Variants in TUFT1 observed in about 807,000 individuals in gnomAD.
TUFT1 encodes the protein tuftelin.
A neutral mutation model predicts 57.8 loss-of-function variants in TUFT1; 43 were observed. The observed-to-expected ratio is 0.74, with a 90% CI of 0.58 to 0.96. TUFT1 has a LOEUF of 0.96. Among genes scored for constraint, TUFT1 ranks in the 40% least tolerant of loss-of-function variants. The pLI is 0.00. For synonymous variants in TUFT1, 166 were observed against 176.7 expected, an observed-to-expected ratio of 0.94 and a Z score of 0.48; for missense variants, 459 against 489.0, an observed-to-expected ratio of 0.94 and a Z score of 0.58.
chr1:151,566,040 C>A, intron 5 of TUFT1, 123 bp from the exon 6 acceptor site: 1 of 165,822 alleles, frequency 6.0e-6, no homozygotes, highest in Admixed American at 5.9e-5. Context: ...CTCCCCCTCC[C>A]TTTCACCTTC....
chr1:151,573,159 T>C (rs1056911015), intron 7 of TUFT1, among the ~76,000 whole-genome samples: 2 of 152,126 alleles, frequency 1.3e-5, no homozygotes, highest in African/African-American at 4.8e-5. Context: ...GCTCTGGAAG[T>C]GTAATGGTGC....
chr1:151,557,305 T>G, intron 1 of TUFT1: 1 of 474,482 alleles, frequency 2.1e-6, no homozygotes, highest in Middle Eastern at 5.7e-4. Context: ...TAGTATAATA[T>G]TATCATATTT....
chr1:151,566,536 T>C (rs964876795), intron 6 of TUFT1, among the ~76,000 whole-genome samples: 1 of 152,134 alleles, frequency 6.6e-6, no homozygotes, highest in Admixed American at 6.6e-5. Flanking sequence ...CTGGGTCCCA[T>C]CCCTAGAGCT....
rs536919411 is a variant in TUFT1, at chr1:151,567,363, G to T, written c.480+1135G>T. On this transcript the variant is annotated intron_variant, in intron 6 of 12. Transcript: ENST00000368849. ...GAGGGACTGTGGCAGCCACTATAGTGGCTGGGACTATAGACACGTGCCACC... is the reference window on the plus strand; with the variant it reads ...GAGGGACTGTGGCAGCCACTATAGTTGCTGGGACTATAGACACGTGCCACC... Among the ~76,000 whole-genome samples, 4 of 152,048 alleles carry T rather than the reference G, an allele frequency of 2.6e-5. No homozygotes were observed. The East Asian group carries it at 7.7e-4, about 29-fold the overall frequency.
intron 1 of TUFT1, 135 bp downstream of exon 1, chr1:151,540,561 T>C: frequency 1.0e-6 from 1 of 959,504 alleles, no homozygotes; most frequent in Non-Finnish European, 1.6e-6. Flanking sequence ...GCGGCGCTTC[T>C]CTCTTTTTAT....
chr1:151,567,736 G>A (rs1306574700), intron 6 of TUFT1, among the ~76,000 whole-genome samples: 16 of 152,084 alleles, frequency 1.1e-4, no homozygotes, highest in Admixed American at 1.0e-3. Context: ...AGTAGAGATG[G>A]GGTTTCACCA....
rs1200175625 is a variant in TUFT1, at chr1:151,574,931, G to A, written c.744G>A (p.Ala248=). 8.3e-6 allele frequency: 13 copies of A among 1,575,076 alleles called. No homozygotes were observed. The highest frequency in any genetic ancestry group is 1.7e-4 in the Middle Eastern group (1 of 6,030). The change falls in exon 9 of 13, where the codon GCG becomes GCA. Residue 248 remains alanine (A), a synonymous_variant. Transcript: ENST00000368849. ...GMETEHQALL[A]KVREGEVALE... ...CCCAGGAGCATCAGGCCTTACTGGC[G>A]AAAGTGAGGGAAGGGGAGGTGGCCC...
chr1:151,550,890 G>C (rs1665487418), intron 1 of TUFT1, among the ~76,000 whole-genome samples: 1 of 152,152 alleles, frequency 6.6e-6, no homozygotes. Context: ...TCATGCCACT[G>C]CACTCCCGCC....
At position 151,569,566 on chromosome 1, in the gene TUFT1, T is replaced by C. The variant is rs1459462801; in HGVS notation, c.481-91T>C. On this transcript the variant is annotated intron_variant, in intron 6 of 12. Coordinates refer to ENST00000368849, the MANE Select transcript of TUFT1 (RefSeq NM_020127.3). ...TTTGAGGGTGGTCTGGACGAGATGG[T>C]CCAAACCAGTGTGTGCCTGGGAGGG... 20 of 1,048,420 alleles carry C rather than the reference T, an allele frequency of 1.9e-5. No homozygotes were observed. The East Asian group carries it at 4.8e-4, about 25-fold the overall frequency. The allele number at this position is 1,048,420 out of a possible 1,614,324, so 64.9% of individuals were successfully genotyped here.
At chr1:151,580,918 C>G (rs200284162) in intron 11 of TUFT1, 24 bp from the exon 12 acceptor site, 2 of 1,611,810 alleles carry the variant, frequency 1.2e-6, no homozygotes, top group Non-Finnish European at 1.7e-6. Context: ...AAGGCCAACT[C>G]TAACCCCTAA....
At chr1:151,557,822 A>G (rs1665756357) in intron 1 of TUFT1, 1 of 753,240 alleles carries the variant, frequency 1.3e-6, no homozygotes. Context: ...GAGATAACCT[A>G]CAGACGGAGT....
chr1:151,579,777 A>G, intron 11 of TUFT1, 45 bp downstream of exon 11: 1 of 1,582,310 alleles, frequency 6.3e-7, no homozygotes, highest in Non-Finnish European at 8.6e-7. Context: ...ACTCTTGAAG[A>G]GAAGGTGGAC....
chr1:151,557,949 A>G, intron 1 of TUFT1: 1 of 630,312 alleles, frequency 1.6e-6, no homozygotes, highest in Non-Finnish European at 3.0e-6. Context: ...AAAATTGGAG[A>G]GGATTATTTT....
At chr1:151,557,775 GA>G (rs1357939219) in intron 1 of TUFT1, 3 of 766,144 alleles carry the variant, frequency 3.9e-6, no homozygotes, top group Non-Finnish European at 7.2e-6. Context: ...TCTGAAGGGT[GA>G]GCGACCTGCA....
chr1:151,572,238 T>TA (rs1553251337), intron 7 of TUFT1, among the ~76,000 whole-genome samples: 33 of 151,854 alleles, frequency 2.2e-4, no homozygotes, highest in Middle Eastern at 3.4e-3. Flanking sequence ...ATTTTTTTTT[T>TA]AAAAAAGGAG....
In TUFT1 at chr1:151,583,333, A is replaced by G. The variant is rs1343177542; in HGVS notation, c.*1626A>G. On this transcript the variant is annotated 3_prime_UTR_variant, in exon 13 of 13. Transcript: ENST00000368849. Reference sequence around the variant, plus strand: ...TCAGAAAAATTCAAAACAAATGTGGATTAAGTGTTTAGGCTCTATGTGGCT... The same window carrying G: ...TCAGAAAAATTCAAAACAAATGTGGGTTAAGTGTTTAGGCTCTATGTGGCT... 1 of 152,194 alleles carries G rather than the reference A, an allele frequency of 6.6e-6. No homozygotes were observed. The highest frequency in any genetic ancestry group is 2.4e-5 in the African/African-American group (1 of 41,454). The allele number at this position is 152,194 out of a possible 1,614,324, so 9.4% of individuals were successfully genotyped here. A position where few individuals can be genotyped will look rare whatever the true frequency, so the allele number is the denominator to read the frequency against.
At chr1:151,562,311 C>G (rs938724111) in intron 2 of TUFT1, 146 bp downstream of exon 2, 13 of 729,766 alleles carry the variant, frequency 1.8e-5, no homozygotes, top group Non-Finnish European at 3.0e-5. Context: ...CTTGCCTCAG[C>G]CTTCTGCACT....
intron 5 of TUFT1, 155 bp downstream of exon 5, chr1:151,564,769 A>G (rs1666010340): frequency 1.5e-6 from 1 of 649,886 alleles, no homozygotes; most frequent in African/African-American, 1.8e-5. Flanking sequence ...AGCACTCACA[A>G]TCTGGTTAGG....
At chr1:151,554,627 T>A (rs1665616905) in intron 1 of TUFT1, among the ~76,000 whole-genome samples, 1 of 150,678 alleles carries the variant, frequency 6.6e-6, no homozygotes, top group African/African-American at 2.4e-5. Context: ...CTCGAACTCC[T>A]GACCTCGTGA....
Sources: gnomAD v4.1 joint callset for allele counts (sites outside exome capture counted in the v4.1 genomes callset) on GRCh38, gnomAD v4.1.1 for gene constraint, MANE v1.5 for transcripts, NCBI Gene and HGNC (gene_info 2026-07-23, HGNC 2026-07-21) for gene names.